The following IRAK3 variants were observed in gnomAD, a reference collection of about 807,000 sequenced individuals.
IRAK3 encodes the protein interleukin-1 receptor-associated kinase 3.
IRAK3 carries 57 observed loss-of-function variants against 56.6 expected under a neutral mutation model. The observed-to-expected ratio is 1.01, with a 90% CI of 0.81 to 1.26. The LOEUF is 1.26. Among genes scored for constraint, IRAK3 ranks in the 50% most tolerant of loss-of-function variants. The pLI is 0.00. For synonymous variants in IRAK3, 258 were observed against 255.7 expected (o/e 1.01, Z -0.09); for missense variants, 703 against 719.0 (o/e 0.98, Z 0.25).
rs889903358 is a variant in IRAK3, at chr12:66,234,242, C to T, written c.887+5872C>T. The stretch of plus-strand genomic sequence containing the variant: ...CGTTGCAGGCATGTATGTTCCGGTG[C>T]TGCCTAGTGACAGATGACTCATCTG... On this transcript the variant is annotated intron_variant, in intron 8 of 11. Coordinates refer to ENST00000261233, the MANE Select transcript of IRAK3 (RefSeq NM_007199.3). The T allele has an allele frequency of 1.9e-6, 3 of 1,613,478 alleles. No individual in the cohort carries two copies. The Admixed American group carries it at 5.0e-5, about 27-fold the overall frequency.
chr12:66,226,659 G>A, intron 6 of IRAK3, 64 bp from the exon 7 acceptor site: 1 of 906,786 alleles, frequency 1.1e-6, no homozygotes, highest in South Asian at 1.3e-5. Flanking sequence ...CCCCACACCA[G>A]TGTGTTGTTC....
rs534901007 is a variant in IRAK3 at position 66,241,509 on chromosome 12, T to G, written c.888-2977T>G. 1.8e-4 allele frequency among the ~76,000 whole-genome samples: 28 copies of G among 152,342 alleles called. No individual in the cohort carries two copies. In the South Asian group the frequency reaches 5.6e-3, roughly 30 times the overall value. The stretch of plus-strand genomic sequence containing the variant: ...CTGAAGACACTTTGTGTTTGAACAT[T>G]CTATTTAAGGTTGAAGCAGGGGAAA... On this transcript the variant is annotated intron_variant, in intron 8 of 11. Transcript: ENST00000261233.
chr12:66,235,129 T>C (rs1382898709), intron 8 of IRAK3: 1 of 1,612,610 alleles, frequency 6.2e-7, no homozygotes, highest in African/African-American at 1.3e-5. Flanking sequence ...GCTGATCCCA[T>C]CCTGAGTTGC....
chr12:66,220,514 CTTTTTTT>C (rs1555203808), intron 6 of IRAK3, among the ~76,000 whole-genome samples: 4 of 67,350 alleles, frequency 5.9e-5, no homozygotes, highest in Admixed American at 2.1e-4. Flanking sequence ...GTTCTTCTTT[CTTTTTTT>C]TTTTTTTTTT....
chr12:66,199,034 A>G (rs974950078), intron 1 of IRAK3, among the ~76,000 whole-genome samples: 1 of 152,236 alleles, frequency 6.6e-6, no homozygotes, highest in African/African-American at 2.4e-5. Flanking sequence ...CTGGGATTAC[A>G]GGCGTGAGCC....
chr12:66,223,010 G>A (rs1330537376), intron 6 of IRAK3, among the ~76,000 whole-genome samples: 4 of 151,990 alleles, frequency 2.6e-5, no homozygotes, highest in Admixed American at 2.6e-4. Context: ...ACAGTCAAAG[G>A]GGGGTTGTTC....
intron 3 of IRAK3, among the ~76,000 whole-genome samples, chr12:66,209,760 AACT>A: frequency 6.6e-6 from 1 of 152,356 alleles, no homozygotes; most frequent in East Asian, 1.9e-4. Flanking sequence ...TGAGACTGAG[AACT>A]ACTAAGGATG....
Position 66,221,944 on chromosome 12 carries a change from GCT to G in IRAK3, c.653+4710_653+4711del, listed in dbSNP as rs558752042. Among the ~76,000 whole-genome samples the G allele has an allele frequency of 6.6e-5, 10 of 152,322 alleles. No individual in the cohort carries two copies. In the East Asian group the frequency reaches 1.7e-3, roughly 26 times the overall value. On this transcript the variant is annotated intron_variant, in intron 6 of 11. Transcript: ENST00000261233. Reference sequence around the variant, plus strand: ...TTCAGGAAGCTGAGGCACAAGAATTGCTTGAACCCGGGAGGCGGAGGTTGCAG... The same window carrying G: ...TTCAGGAAGCTGAGGCACAAGAATTGTGAACCCGGGAGGCGGAGGTTGCAG...
chr12:66,222,425 A>T (rs1372183722), intron 6 of IRAK3, among the ~76,000 whole-genome samples: 2 of 151,868 alleles, frequency 1.3e-5, no homozygotes, highest in Non-Finnish European at 2.9e-5. Context: ...CTAGGAATCC[A>T]TCTATTTCTT....
intron 7 of IRAK3, among the ~76,000 whole-genome samples, chr12:66,228,042 G>A (rs978177675): frequency 5.9e-5 from 9 of 152,012 alleles, no homozygotes; most frequent in East Asian, 5.8e-4. Flanking sequence ...GAGTATTTTC[G>A]TTGTCTATAA....
At chr12:66,221,315 T>A (rs2052731132) in intron 6 of IRAK3, among the ~76,000 whole-genome samples, 1 of 152,224 alleles carries the variant, frequency 6.6e-6, no homozygotes, top group African/African-American at 2.4e-5. Context: ...CAGAGCCACC[T>A]TTAACTTGCA....
At chr12:66,214,602 G>C (rs1470681386) in intron 5 of IRAK3, among the ~76,000 whole-genome samples, 1 of 151,478 alleles carries the variant, frequency 6.6e-6, no homozygotes, top group East Asian at 1.9e-4. Flanking sequence ...CCTGGTAGAG[G>C]GATATTTCAG....
intron 5 of IRAK3, among the ~76,000 whole-genome samples, chr12:66,215,774 T>C (rs2052664814): frequency 2.3e-5 from 1 of 44,414 alleles, no homozygotes; most frequent in Admixed American, 2.7e-4. Flanking sequence ...GCCCCCTATT[T>C]TAACCCAACA....
chr12:66,222,868 C>T (rs1161707573), intron 6 of IRAK3, among the ~76,000 whole-genome samples: 1 of 152,110 alleles, frequency 6.6e-6, no homozygotes, highest in African/African-American at 2.4e-5. Context: ...AAGAGACCAC[C>T]ACACAGGCTT....
intron 11 of IRAK3, among the ~76,000 whole-genome samples, chr12:66,246,790 G>A (rs574370326): frequency 2.2e-4 from 33 of 152,284 alleles, no homozygotes; most frequent in African/African-American, 7.7e-4. Context: ...AATTACGTGT[G>A]TGTGTGTATA....
intron 6 of IRAK3, among the ~76,000 whole-genome samples, chr12:66,225,346 AAAT>A (rs1347502167): frequency 1.3e-5 from 2 of 151,936 alleles, no homozygotes; most frequent in Non-Finnish European, 2.9e-5. Flanking sequence ...ATATATTTAA[AAAT>A]AAAAACTTCT....
At chr12:66,234,129 C>T in intron 8 of IRAK3, 1 of 1,614,184 alleles carries the variant, frequency 6.2e-7, no homozygotes, top group African/African-American at 1.3e-5. Context: ...TCGACAGCCA[C>T]CTGCTGTTGA....
chr12:66,204,227 C>T (rs901317944), intron 2 of IRAK3, among the ~76,000 whole-genome samples: 2 of 152,148 alleles, frequency 1.3e-5, no homozygotes, highest in Non-Finnish European at 2.9e-5. Flanking sequence ...CTCTTTGAGT[C>T]ATAAACAGTT....
At chr12:66,191,806 T>G (rs1438470970) in intron 1 of IRAK3, among the ~76,000 whole-genome samples, 2 of 152,142 alleles carry the variant, frequency 1.3e-5, no homozygotes, top group African/African-American at 4.8e-5. Flanking sequence ...AAAGAGGCAG[T>G]CCTTTGTATG....
Sources: gnomAD v4.1 joint callset for allele counts (sites outside exome capture counted in the v4.1 genomes callset) on GRCh38, gnomAD v4.1.1 for gene constraint, MANE v1.5 for transcripts, NCBI Gene and HGNC (gene_info 2026-07-23, HGNC 2026-07-21) for gene names.